Variants in FAM193B observed in about 807,000 individuals in gnomAD.
FAM193B encodes family with sequence similarity 193 member B, also known as protein FAM193B.
A neutral mutation model predicts 70.7 loss-of-function variants in FAM193B; 27 were observed. The ratio of observed to expected loss-of-function variants is 0.38; its 90% CI spans 0.28 to 0.53. The LOEUF (loss-of-function observed/expected upper bound fraction) is 0.53. FAM193B is among the 20% of genes least tolerant of loss of function. FAM193B has a pLI of 0.81. For missense variants in FAM193B, 1,022 were observed against 1,072.5 expected, an observed-to-expected ratio of 0.95 and a Z score of 0.66; for synonymous variants, 448 against 436.0, an observed-to-expected ratio of 1.03 and a Z score of -0.34.
At chr5:177,547,058 T>C (rs555947849) in intron 1 of FAM193B, 1 of 152,340 alleles carries the variant, frequency 6.6e-6, no homozygotes, top group East Asian at 1.9e-4. Context: ...AATATGATCT[T>C]GGAATATTAC....
chr5:177,553,654 A>G (rs1346585895), intron 1 of FAM193B: 1 of 1,278,332 alleles, frequency 7.8e-7, no homozygotes, highest in East Asian at 5.7e-5. Context: ...GGAGGGAAGA[A>G]GGGCAGGTTC....
In FAM193B at chr5:177,539,031, C is replaced by T; in HGVS notation, c.327G>A (p.Leu109=). 6.2e-7 allele frequency: 1 copy of T among 1,614,038 alleles called. No homozygotes were observed. Among genetic ancestry groups the T allele is most frequent in the Non-Finnish European group, 8.5e-7 (1 of 1,179,900 alleles). Residue 109 remains leucine (L), a synonymous_variant, in exon 2 of 9, where the codon CTG becomes CTA. Coordinates refer to ENST00000514747, the MANE Select transcript of FAM193B (RefSeq NM_001190946.3). ...QNGLVLQGEK[L]PPDFMPKLVK... is the part of the protein sequence containing the mutation. ...CGAGCTTTGGCATGAAGTCAGGGGG[C>T]AGCTTCTCACCCTGCAACACCAGTC... is the stretch of plus-strand genomic sequence containing the variant.
Position 177,532,497 on chromosome 5 carries a change from C to G in FAM193B, c.1221G>C (p.Gln407His). Residue 407 changes from glutamine to histidine, a missense_variant, in exon 5 of 9, where the codon CAG (glutamine) becomes CAC (histidine). Physicochemically the swap from Gln to His is conservative, Grantham distance 24. Coordinates refer to ENST00000514747, the MANE Select transcript of FAM193B (RefSeq NM_001190946.3). This position sits in a 1 kb window ranked among gnomAD's most constrained non-coding sequence, Gnocchi z 4.9. The part of the protein sequence containing the change: ...RSSCTSSSTH[Q>H]RDGKFCDCCY... Reference sequence around the variant, plus strand: ...AGCAGTCACAGAACTTCCCATCTCTCTGGTGGGTGGAGGATGAGGTGCAGG... The same window carrying G: ...AGCAGTCACAGAACTTCCCATCTCTGTGGTGGGTGGAGGATGAGGTGCAGG... 6 of 1,611,812 alleles carry G rather than the reference C, an allele frequency of 3.7e-6. No individual in the cohort carries two copies. Among genetic ancestry groups the G allele is most frequent in the Non-Finnish European group, 5.1e-6 (6 of 1,179,156 alleles).
chr5:177,525,490 T>G, intron 5 of FAM193B: 1 of 322,114 alleles, frequency 3.1e-6, no homozygotes. Flanking sequence ...GGGACAATAA[T>G]TCCGGAGTAA....
At position 177,536,383 on chromosome 5, in the gene FAM193B, A is replaced by G; in HGVS notation, c.1051T>C (p.Ser351Pro). ...CSGPLLPPPS[S>P]QPLPSTHRDP... Reference sequence around the variant, plus strand: ...CTGTGAGTGCTAGGGAGTGGCTGAGAGCTCGGGGGTGGGAGGAGAGGCCCA... The same window carrying G: ...CTGTGAGTGCTAGGGAGTGGCTGAGGGCTCGGGGGTGGGAGGAGAGGCCCA... The change falls in exon 4 of 9, where the codon TCT becomes CCT. Residue 351 changes from serine (S) to proline (P), a missense_variant. Transcript: ENST00000514747. The G allele has an allele frequency of 1.9e-6, 3 of 1,609,392 alleles. No homozygotes were observed. The highest frequency in any genetic ancestry group is 2.5e-6 in the Non-Finnish European group (3 of 1,178,708).
At chr5:177,544,392 G>A (rs543716352) in intron 1 of FAM193B, among the ~76,000 whole-genome samples, 1 of 152,298 alleles carries the variant, frequency 6.6e-6, no homozygotes, top group African/African-American at 2.4e-5. Context: ...ATCAAAGGAA[G>A]AGGAAGCCAC....
At chr5:177,533,941 A>C (rs1037256285) in intron 4 of FAM193B, among the ~76,000 whole-genome samples, 1 of 152,244 alleles carries the variant, frequency 6.6e-6, no homozygotes, top group Non-Finnish European at 1.5e-5. Context: ...TGTAATACAG[A>C]GTATTTTCCC....
chr5:177,521,839 C>T, intron 8 of FAM193B, 135 bp downstream of exon 8: 1 of 672,278 alleles, frequency 1.5e-6, no homozygotes. Context: ...TGTGAAGATG[C>T]AGACAGAAGC....
intron 1 of FAM193B, among the ~76,000 whole-genome samples, chr5:177,547,777 A>G (rs553117068): frequency 6.6e-5 from 10 of 152,102 alleles, no homozygotes; most frequent in Non-Finnish European, 1.3e-4. Flanking sequence ...ACTCGTAGCT[A>G]CCACTTGTGC....
At chr5:177,521,378 T>C (rs1198829379) in intron 8 of FAM193B, among the ~76,000 whole-genome samples, 1 of 152,216 alleles carries the variant, frequency 6.6e-6, no homozygotes, top group Admixed American at 6.5e-5. Context: ...GCCAATGCCA[T>C]CTGGCACCCA....
Position 177,554,500 on chromosome 5 carries a change from G to GCCA in FAM193B, c.-43_-42insTGG. On this transcript the variant is annotated 5_prime_UTR_variant, in exon 1 of 9. Transcript: ENST00000514747. The stretch of plus-strand genomic sequence containing the variant: ...CTCCCTCGCTCCACACGCCGCCGCC[G>GCCA]CCGCCGCCGCCGCCGCCGCCGCCGC... The GCCA allele has an allele frequency of 1.3e-6, 1 of 779,928 alleles. No homozygotes were observed. Among genetic ancestry groups the GCCA allele is most frequent in the Non-Finnish European group, 1.6e-6 (1 of 644,448 alleles). 48.3% of individuals were successfully genotyped at this position (779,928 alleles called of 1,614,324 possible). A position where few individuals can be genotyped will look rare whatever the true frequency, so the allele number is the denominator to read the frequency against.
At chr5:177,523,448 GC>G (rs762837779) in intron 7 of FAM193B, 1 of 227,710 alleles carries the variant, frequency 4.4e-6, no homozygotes, top group Admixed American at 5.0e-5. Flanking sequence ...GTACTCACTG[GC>G]CCCCTTGGCA....
Position 177,538,159 on chromosome 5 carries a change from T to C in FAM193B, c.454-52A>G. Reference sequence around the variant, plus strand: ...ACGGTCAAACAGCAAACATCGGAGCTGACCCTCTGCTGCCTCAGCTTTTCC... The same window carrying C: ...ACGGTCAAACAGCAAACATCGGAGCCGACCCTCTGCTGCCTCAGCTTTTCC... On this transcript the variant is annotated intron_variant, in intron 2 of 8. Transcript: ENST00000514747. This position sits in a 1 kb window ranked among gnomAD's most constrained non-coding sequence, Gnocchi z 4.1. 1 of 1,482,570 alleles carries C rather than the reference T, an allele frequency of 6.7e-7. No homozygotes were observed. Among genetic ancestry groups the C allele is most frequent in the Middle Eastern group, 2.3e-4 (1 of 4,268 alleles). 91.8% of individuals were successfully genotyped at this position (1,482,570 alleles called of 1,614,324 possible). A position where few individuals can be genotyped will look rare whatever the true frequency, so the allele number is the denominator to read the frequency against.
intron 1 of FAM193B, chr5:177,553,286 G>A (rs1214254223): frequency 2.8e-5 from 28 of 987,514 alleles, no homozygotes; most frequent in Non-Finnish European, 3.2e-5. Flanking sequence ...CGCATCTTCC[G>A]CCACGCCTCA....
At position 177,538,475 on chromosome 5, in the gene FAM193B, A is replaced by G. The variant is rs1764451637; in HGVS notation, c.454-368T>C. ...AAAAGGGAAGATCTGCAGCGACGTG[A>G]GAAATGAGGAAAGTCTGGCCATCGT... On this transcript the variant is annotated intron_variant, in intron 2 of 8. Transcript: ENST00000514747. This position sits in a 1 kb window ranked among gnomAD's most constrained non-coding sequence, Gnocchi z 4.1. 6.6e-6 allele frequency among the ~76,000 whole-genome samples: 1 copy of G among 152,220 alleles called. No individual in the cohort carries two copies. Among genetic ancestry groups the G allele is most frequent in the African/African-American group, 2.4e-5 (1 of 41,460 alleles).
rs1766830402 is a variant in FAM193B at position 177,554,561 on chromosome 5, T to C, written c.-103A>G. On this transcript the variant is annotated 5_prime_UTR_variant, in exon 1 of 9. The change creates a new upstream start codon in the 5' untranslated region. Coordinates refer to ENST00000514747, the MANE Select transcript of FAM193B (RefSeq NM_001190946.3). ...GCTCCCCTCACAGGACAACAGCCAA[T>C]ATGGCGGCGCCCGGTTCCCCCCCTC... 2.9e-6 allele frequency: 2 copies of C among 686,570 alleles called. No individual in the cohort carries two copies. The highest frequency in any genetic ancestry group is 3.6e-6 in the Non-Finnish European group (2 of 559,882). The allele number at this position is 686,570 out of a possible 1,614,324, so 42.5% of individuals were successfully genotyped here. A position where few individuals can be genotyped will look rare whatever the true frequency, so the allele number is the denominator to read the frequency against.
At position 177,524,667 on chromosome 5, in the gene FAM193B, C is replaced by T; in HGVS notation, c.1814G>A (p.Gly605Asp). 4.3e-6 allele frequency: 7 copies of T among 1,611,848 alleles called. No individual in the cohort carries two copies. Among genetic ancestry groups the T allele is most frequent in the South Asian group, 1.1e-5 (1 of 90,822 alleles). Reference protein sequence around the residue: ...RVIWVKTPKPGYPSSEEPSSK... With the variant: ...RVIWVKTPKPDYPSSEEPSSK... ...GCTTGGCTCCTCGGAGCTGGGGTAG[C>T]CCGGCTTGGGTGTCTTGACCCAGAT... Residue 605 changes from glycine to aspartate, a missense_variant, in exon 6 of 9, where the codon GGC (glycine) becomes GAC (aspartate). Transcript: ENST00000514747.
At chr5:177,535,478 T>C (rs1402558603) in intron 4 of FAM193B, among the ~76,000 whole-genome samples, 5 of 152,260 alleles carry the variant, frequency 3.3e-5, no homozygotes, top group Non-Finnish European at 7.3e-5. Context: ...TTCAAATATA[T>C]GTTAGTATAA....
rs1038269737 is a variant in FAM193B, at chr5:177,532,380, G to C, written c.1275+63C>G. On this transcript the variant is annotated intron_variant, in intron 5 of 8. Transcript: ENST00000514747. The surrounding 1 kb of genome is among the most constrained non-coding windows in gnomAD (Gnocchi z 4.9). ...GCAACGGGGTCTCTGGGGAGAGCAG[G>C]GTGCTCCTTTTGCTCACCTTGGCTG... is the stretch of plus-strand genomic sequence containing the variant. 14 of 1,549,420 alleles carry C rather than the reference G, an allele frequency of 9.0e-6. No homozygotes were observed. Among genetic ancestry groups the C allele is most frequent in the Middle Eastern group, 1.7e-4 (1 of 5,932 alleles).
Sources: gnomAD v4.1 joint callset for allele counts (sites outside exome capture counted in the v4.1 genomes callset) on GRCh38, gnomAD v4.1.1 for gene constraint, Gnocchi (gnomAD v3.1) non-coding constraint, MANE v1.5 for transcripts, NCBI Gene and HGNC (gene_info 2026-07-23, HGNC 2026-07-21) for gene names.